LIMCH1: variants seen among roughly 807,000 people sequenced by gnomAD.
LIMCH1 encodes LIM and calponin homology domains-containing protein 1.
Under a neutral mutation model 176.5 loss-of-function variants are expected in LIMCH1, and 113 were observed. The observed-to-expected ratio is 0.64, with a 90% CI of 0.55 to 0.75. The LOEUF (loss-of-function observed/expected upper bound fraction) is 0.75. Among genes scored for constraint, LIMCH1 ranks in the 30% least tolerant of loss-of-function variants. The pLI, the probability that LIMCH1 is intolerant of heterozygous loss-of-function variation, is 0.00. For missense variants in LIMCH1, 1,674 were observed against 1,814.9 expected (o/e 0.92, Z 1.41); for synonymous variants, 619 against 645.9 (o/e 0.96, Z 0.63).
chr4:41,378,160 C>G (rs554302334), intron 1 of LIMCH1, among the ~76,000 whole-genome samples: 2 of 152,268 alleles, frequency 1.3e-5, no homozygotes, highest in African/African-American at 4.8e-5. Context: ...ACTTGGGAAG[C>G]AGCAGAGCTG....
At chr4:41,416,390 G>A (rs557665774) in intron 1 of LIMCH1, among the ~76,000 whole-genome samples, 78 of 152,036 alleles carry the variant, frequency 5.1e-4, no homozygotes, top group Non-Finnish European at 7.5e-4. Flanking sequence ...TGTGGCTCAC[G>A]CTTGTAATCC....
chr4:41,629,812 T>C, intron 9 of LIMCH1, 78 bp downstream of exon 9: 1 of 1,417,774 alleles, frequency 7.1e-7, no homozygotes, highest in Non-Finnish European at 9.3e-7. Context: ...CTTATCTTTG[T>C]GTCTTTTTTT....
At chr4:41,689,134 A>T (rs1723282993) in intron 29 of LIMCH1, among the ~76,000 whole-genome samples, 1 of 152,192 alleles carries the variant, frequency 6.6e-6, no homozygotes, top group Non-Finnish European at 1.5e-5. Flanking sequence ...CACTTATGGG[A>T]AATTTAAAAG....
intron 1 of LIMCH1, among the ~76,000 whole-genome samples, chr4:41,598,538 AGAAAG>A (rs2089341361): frequency 1.3e-5 from 2 of 152,062 alleles, no homozygotes; most frequent in South Asian, 4.2e-4. Context: ...TAAAAAAAAA[AGAAAG>A]AAAAGAAAAG....
At chr4:41,556,534 T>A (rs1170791994) in intron 1 of LIMCH1, among the ~76,000 whole-genome samples, 2 of 152,146 alleles carry the variant, frequency 1.3e-5, no homozygotes, top group Non-Finnish European at 2.9e-5. Flanking sequence ...AGTGCCCTGA[T>A]GTGCCCAGAC....
At chr4:41,486,638 A>T (rs1270192284) in intron 1 of LIMCH1, among the ~76,000 whole-genome samples, 2 of 152,158 alleles carry the variant, frequency 1.3e-5, no homozygotes, top group Admixed American at 6.5e-5. Flanking sequence ...CTGCTGGCTT[A>T]GTTTAGTATA....
In LIMCH1 at chr4:41,626,966, G is replaced by A; in HGVS notation, c.984G>A (p.Gln328=). 2 of 1,535,646 alleles carry A rather than the reference G, an allele frequency of 1.3e-6. No homozygotes were observed. The highest frequency in any genetic ancestry group is 1.7e-6 in the Non-Finnish European group (2 of 1,146,786). ...CAGAGAAATCAGATGGCAGCAAACA[G>A]CTCTCAAAGGGAATCTCAAAAAAAA... The part of the protein sequence containing the change: ...KGAEKSDGSK[Q]LSKGISKKRS... The change falls in exon 8 of 32, where the codon CAG becomes CAA. Residue 328 remains glutamine (Q), a synonymous_variant. Transcript: ENST00000503057.
chr4:41,635,727 A>T (rs1166081597), intron 13 of LIMCH1, among the ~76,000 whole-genome samples: 1 of 152,220 alleles, frequency 6.6e-6, no homozygotes, highest in Non-Finnish European at 1.5e-5. Flanking sequence ...ACTGTGCTGG[A>T]TGCTGGGGGT....
Position 41,689,572 on chromosome 4 carries a change from G to A in LIMCH1, c.4212G>A (p.Leu1404=). ...KKLCSSCGLP[L]GKGAAMIIET... is the part of the protein sequence containing the mutation. ...TGTGCTCTTCCTGTGGGCTTCCTTT[G>A]GGTAAAGGAGCTGCAATGATCATCG... The change falls in exon 30 of 32, where the codon TTG becomes TTA. Residue 1404 remains leucine, a synonymous_variant. Transcript: ENST00000503057. 1.2e-6 allele frequency: 2 copies of A among 1,612,106 alleles called. No individual in the cohort carries two copies. The highest frequency in any genetic ancestry group is 1.7e-6 in the Non-Finnish European group (2 of 1,178,336).
At chr4:41,378,014 C>G (rs181764158) in intron 1 of LIMCH1, among the ~76,000 whole-genome samples, 39 of 152,314 alleles carry the variant, frequency 2.6e-4, no homozygotes, top group African/African-American at 8.4e-4. Context: ...TAAGTCATAG[C>G]ACTTGGGTTG....
At chr4:41,599,176 C>G in intron 2 of LIMCH1, 150 bp downstream of exon 2, 1 of 570,480 alleles carries the variant, frequency 1.8e-6, no homozygotes, top group Non-Finnish European at 3.2e-6. Context: ...CAAAACAACT[C>G]ACATTGACTT....
rs2090486565 is a variant in LIMCH1, at chr4:41,604,918, C to A, written c.-102-976C>A. 3.9e-5 allele frequency among the ~76,000 whole-genome samples: 6 copies of A among 152,122 alleles called. No homozygotes were observed. In the South Asian group the frequency reaches 1.2e-3, roughly 32 times the overall value. The stretch of plus-strand genomic sequence containing the variant: ...CGCCAGCTGGACTCATGTAACTATA[C>A]CATGTTGTCCGAAACATTTTCTGGC... On this transcript the variant is annotated intron_variant, in intron 3 of 31. Coordinates refer to ENST00000503057, the MANE Select transcript of LIMCH1 (RefSeq NM_001330672.2).
chr4:41,360,839 A>G lies in LIMCH1; in HGVS notation c.-2A>G, dbSNP rs1200628275. 5.8e-6 allele frequency: 9 copies of G among 1,554,432 alleles called. No individual in the cohort carries two copies. Among genetic ancestry groups the G allele is most frequent in the Non-Finnish European group, 7.8e-6 (9 of 1,152,222 alleles). On this transcript the variant is annotated 5_prime_UTR_variant, in exon 1 of 27. Coordinates refer to the LIMCH1 transcript ENST00000313860. This position sits in a 1 kb window ranked among gnomAD's most constrained non-coding sequence, Gnocchi z 4.5. ...CGCTTGAGAGGACGCGGGGCTGCGCAAATGGCTTGTCCCGCTCTCGGTCTG... is the reference window on the plus strand; with the variant it reads ...CGCTTGAGAGGACGCGGGGCTGCGCGAATGGCTTGTCCCGCTCTCGGTCTG...
chr4:41,470,660 C>T (rs1258443296), intron 1 of LIMCH1, among the ~76,000 whole-genome samples: 1 of 152,168 alleles, frequency 6.6e-6, no homozygotes, highest in Admixed American at 6.5e-5. Flanking sequence ...TCCCAGTTCT[C>T]ATCTTACACA....
chr4:41,639,898 C>G (rs2093749315), intron 14 of LIMCH1, among the ~76,000 whole-genome samples: 1 of 152,160 alleles, frequency 6.6e-6, no homozygotes, highest in South Asian at 2.1e-4. Flanking sequence ...CCTATCCTTT[C>G]CTGAGCCTCA....
Position 41,684,440 on chromosome 4 carries a change from A to AAAGGAGTCCATGAAG in LIMCH1, c.3891_3905dup (p.Glu1301_Asp1302insGluGlyValHisGlu). 6.2e-7 allele frequency: 1 copy of AAAGGAGTCCATGAAG among 1,613,814 alleles called. No homozygotes were observed. Among genetic ancestry groups the AAAGGAGTCCATGAAG allele is most frequent in the Non-Finnish European group, 8.5e-7 (1 of 1,179,838 alleles). ...GGCTCATTCTGGGAACCCTGTATCA[A>AAAGGAGTCCATGAAG]AAGGAGTCCATGAAGACCATCAGCT... On this transcript the variant is annotated inframe_insertion, in exon 27 of 32. Transcript: ENST00000503057.
intron 1 of LIMCH1, among the ~76,000 whole-genome samples, chr4:41,404,019 T>C (rs1581624700): frequency 6.6e-6 from 1 of 152,094 alleles, no homozygotes; most frequent in Non-Finnish European, 1.5e-5. Flanking sequence ...TACAAGGAAA[T>C]GGGAGTGGGT....
rs16853408 is a variant in LIMCH1, at chr4:41,650,425, G to A, written c.2853G>A (p.Thr951=). The A allele has an allele frequency of 0.038, 60,645 of 1,613,744 alleles. 1,962 individuals are homozygous for A. Among genetic ancestry groups the A allele is most frequent in the African/African-American group, 0.17 (12,646 of 74,904 alleles). The change falls in exon 18 of 32, where the codon ACG becomes ACA. Residue 951 remains threonine, a synonymous_variant. Coordinates refer to ENST00000503057, the MANE Select transcript of LIMCH1 (RefSeq NM_001330672.2). ...GGAAAGTCAGTGTGAATGGAGAGAC[G>A]GTTCATAGAGAGGAGGAGAAGGAAA... ...VDGKVSVNGE[T]VHREEEKERE... is the part of the protein sequence containing the mutation.
Position 41,655,994 on chromosome 4 carries a change from A to G in LIMCH1, c.3036+5386A>G, listed in dbSNP as rs1005948443. Among the ~76,000 whole-genome samples, 12 of 152,256 alleles carry G rather than the reference A, an allele frequency of 7.9e-5. No individual in the cohort carries two copies. In the South Asian group the frequency reaches 2.3e-3, roughly 29 times the overall value. On this transcript the variant is annotated intron_variant, in intron 18 of 31. Coordinates refer to ENST00000503057, the MANE Select transcript of LIMCH1 (RefSeq NM_001330672.2). ...CAGCTCATCTCAAGTGACGTAGCCC[A>G]TGCTCTGCCTCCCAGTCAGCACCAT... is the stretch of plus-strand genomic sequence containing the variant.
Sources: allele counts gnomAD v4.1 joint callset (sites outside exome capture counted in the v4.1 genomes callset), GRCh38; gene constraint gnomAD v4.1.1; non-coding constraint Gnocchi (gnomAD v3.1); transcripts MANE v1.5; gene names NCBI Gene and HGNC (gene_info 2026-07-23, HGNC 2026-07-21).